ARL13B: variants seen among roughly 807,000 people sequenced by gnomAD.
ARL13B encodes ARF like GTPase 13B.
ARL13B carries 36 observed loss-of-function variants against 56.1 expected under a neutral mutation model. That is an observed-to-expected ratio of 0.64 (90% CI 0.49 to 0.85). The LOEUF is 0.85. Ranked by LOEUF, ARL13B falls within the 40% of genes least tolerant of loss-of-function variation. The pLI is 0.00. For synonymous variants in ARL13B, 178 were observed against 171.1 expected, an observed-to-expected ratio of 1.04 and a Z score of -0.32; for missense variants, 519 against 507.1, an observed-to-expected ratio of 1.02 and a Z score of -0.23.
At chr3:94,004,128 C>T (rs975112103) in intron 3 of ARL13B, among the ~76,000 whole-genome samples, 3 of 151,900 alleles carry the variant, frequency 2.0e-5, no homozygotes, top group African/African-American at 4.8e-5. Context: ...TGGATCTCTT[C>T]GATATTCAAA....
chr3:93,991,629 G>A (rs898736804), intron 1 of ARL13B, among the ~76,000 whole-genome samples: 67 of 152,134 alleles, frequency 4.4e-4, no homozygotes, highest in African/African-American at 1.4e-3. Context: ...CTTCAGCCCC[G>A]CAGAGTGCTG....
intron 1 of ARL13B, chr3:93,988,786 AT>A (rs35677824): frequency 0.37 from 124,768 of 338,812 alleles, 10,007 homozygotes; most frequent in East Asian, 0.45. Context: ...ATTTGTTTGC[AT>A]TTTTTTTTTT....
chr3:94,000,138 C>T (rs946885399), intron 2 of ARL13B, among the ~76,000 whole-genome samples: 4 of 152,288 alleles, frequency 2.6e-5, no homozygotes, highest in Non-Finnish European at 2.9e-5. Context: ...CATATTGGCT[C>T]ATATCAACTA....
At chr3:94,036,409 T>G (rs961903759) in intron 4 of ARL13B, 143 bp from the exon 5 acceptor site, 8 of 789,122 alleles carry the variant, frequency 1.0e-5, no homozygotes, top group Non-Finnish European at 1.7e-5. Flanking sequence ...CAGTGCTATG[T>G]TTTGGAAGTT....
chr3:94,015,114 A>C (rs1280248454), intron 3 of ARL13B: 6 of 1,613,814 alleles, frequency 3.7e-6, no homozygotes, highest in Non-Finnish European at 5.1e-6. Context: ...TTTGGATTTC[A>C]TGTAGGTGTC....
intron 7 of ARL13B, among the ~76,000 whole-genome samples, chr3:94,047,389 T>C (rs1380038503): frequency 2.0e-5 from 3 of 152,326 alleles, no homozygotes; most frequent in Admixed American, 1.3e-4. Context: ...CAGTGGTCGC[T>C]AAGTTTTTGA....
rs967419345 is a variant in ARL13B, at chr3:94,053,769, T to G, written c.*506T>G. ...CTGTGATATTGATTATACACCTTTT[T>G]TATAGATGATTTGTTTAAATTATAT... On this transcript the variant is annotated 3_prime_UTR_variant, in exon 10 of 10. Transcript: ENST00000394222. 3.4e-6 allele frequency: 1 copy of G among 297,624 alleles called. No homozygotes were observed. The highest frequency in any genetic ancestry group is 2.2e-5 in the African/African-American group (1 of 44,946). The allele number at this position is 297,624 out of a possible 1,614,324, so 18.4% of individuals were successfully genotyped here. A position where few individuals can be genotyped will look rare whatever the true frequency, so the allele number is the denominator to read the frequency against.
chr3:94,047,561 T>C (rs2077002181), intron 7 of ARL13B, among the ~76,000 whole-genome samples: 1 of 152,210 alleles, frequency 6.6e-6, no homozygotes, highest in Admixed American at 6.5e-5. Context: ...TTATTCAACA[T>C]AATATTTTGT....
At chr3:94,043,332 G>C (rs1053921996) in intron 7 of ARL13B, 92 bp downstream of exon 7, 13 of 1,145,374 alleles carry the variant, frequency 1.1e-5, no homozygotes, top group Non-Finnish European at 1.6e-5. Flanking sequence ...TTTTACAAAC[G>C]AGTACTTCAA....
At chr3:94,032,471 C>T (rs2076692868) in intron 3 of ARL13B, among the ~76,000 whole-genome samples, 1 of 151,988 alleles carries the variant, frequency 6.6e-6, no homozygotes, top group South Asian at 2.1e-4. Context: ...TTAGTACAAT[C>T]ACTATGGAAA....
chr3:94,035,240 A>G (rs1369241915), intron 3 of ARL13B, 91 bp from the exon 4 acceptor site: 4 of 826,726 alleles, frequency 4.8e-6, no homozygotes, highest in Non-Finnish European at 7.2e-6. Context: ...CAGTCTCAAA[A>G]AAAAAAAAAA....
intron 3 of ARL13B, chr3:94,014,340 G>A (rs1348038676): frequency 3.5e-6 from 5 of 1,445,550 alleles, no homozygotes; most frequent in African/African-American, 1.4e-5. Flanking sequence ...TGAAATATAA[G>A]CTATCTTTTA....
intron 3 of ARL13B, among the ~76,000 whole-genome samples, chr3:94,023,852 A>G (rs1335065742): frequency 6.6e-6 from 1 of 152,196 alleles, no homozygotes; most frequent in Non-Finnish European, 1.5e-5. Context: ...GAGATAATAT[A>G]GCATATAGGA....
intron 1 of ARL13B, among the ~76,000 whole-genome samples, chr3:93,985,530 T>G (rs1710417043): frequency 1.3e-5 from 2 of 152,314 alleles, no homozygotes; most frequent in South Asian, 4.1e-4. Context: ...AATTCTTTGT[T>G]TATATGAAAA....
chr3:94,009,979 C>T (rs1013588896), intron 3 of ARL13B, among the ~76,000 whole-genome samples: 3 of 152,072 alleles, frequency 2.0e-5, no homozygotes, highest in South Asian at 4.1e-4. Context: ...AGTGTTACTA[C>T]GTAGCAAGAT....
At chr3:94,024,283 T>C (rs2076510186) in intron 3 of ARL13B, among the ~76,000 whole-genome samples, 1 of 152,230 alleles carries the variant, frequency 6.6e-6, no homozygotes, top group Non-Finnish European at 1.5e-5. Context: ...ATTATTATTT[T>C]TTAAACTGGG....
rs192583731 is a variant in ARL13B, at chr3:94,019,898, C to T, written c.381-15433C>T. 2.0e-5 allele frequency among the ~76,000 whole-genome samples: 3 copies of T among 152,276 alleles called. No individual in the cohort carries two copies. In the East Asian group the frequency reaches 5.8e-4, roughly 30 times the overall value. Reference sequence around the variant, plus strand: ...GTGTTCTTTCCCATGTAGTATGTGACGTTTTTCCCCAACCCAGTCCTTACT... The same window carrying T: ...GTGTTCTTTCCCATGTAGTATGTGATGTTTTTCCCCAACCCAGTCCTTACT... On this transcript the variant is annotated intron_variant, in intron 3 of 9. Transcript: ENST00000394222.
chr3:94,042,720 C>CT, intron 6 of ARL13B, among the ~76,000 whole-genome samples: 1 of 152,144 alleles, frequency 6.6e-6, no homozygotes, highest in Non-Finnish European at 1.5e-5. Context: ...AAAATCATCT[C>CT]TTAGTGATTA....
intron 3 of ARL13B, among the ~76,000 whole-genome samples, chr3:94,029,494 C>T (rs2076636589): frequency 6.6e-6 from 1 of 150,924 alleles, no homozygotes; most frequent in Non-Finnish European, 1.5e-5. Flanking sequence ...ATTACAGTTG[C>T]CTGCCACCAC....
Sources: gnomAD v4.1 joint callset for allele counts (sites outside exome capture counted in the v4.1 genomes callset) on GRCh38, gnomAD v4.1.1 for gene constraint, MANE v1.5 for transcripts, NCBI Gene and HGNC (gene_info 2026-07-23, HGNC 2026-07-21) for gene names.